Variants in SGMS1 observed in about 807,000 individuals in gnomAD.
The protein encoded by SGMS1 is sphingomyelin synthase 1.
Under a neutral mutation model 46.2 loss-of-function variants are expected in SGMS1, and 13 were observed. The ratio of observed to expected loss-of-function variants is 0.28; its 90% CI spans 0.18 to 0.45. SGMS1 has a LOEUF of 0.45. Ranked by LOEUF, SGMS1 falls within the 20% of genes least tolerant of loss-of-function variation. The probability of loss-of-function intolerance (pLI) is 1.00; values close to 1 mark genes in which losing one functional copy is unlikely to be tolerated. For missense variants in SGMS1, 324 were observed against 519.9 expected (o/e 0.62, Z 3.66); for synonymous variants, 203 against 187.8 (o/e 1.08, Z -0.66).
At chr10:50,408,956 A>G (rs1218639746) in intron 6 of SGMS1, among the ~76,000 whole-genome samples, 4 of 152,216 alleles carry the variant, frequency 2.6e-5, no homozygotes, top group African/African-American at 7.2e-5. Flanking sequence ...AAACATGGAC[A>G]TATAACTTAC....
At chr10:50,384,221 A>AT (rs1267539910) in intron 6 of SGMS1, among the ~76,000 whole-genome samples, 4 of 152,002 alleles carry the variant, frequency 2.6e-5, no homozygotes, top group South Asian at 2.1e-4. Context: ...GACTATTAAG[A>AT]TTTTTTCTTC....
chr10:50,514,982 C>T (rs1837788950), intron 3 of SGMS1, among the ~76,000 whole-genome samples: 1 of 152,192 alleles, frequency 6.6e-6, no homozygotes, highest in Admixed American at 6.5e-5. Context: ...ACAGAAGATA[C>T]AACAAGCACT....
At chr10:50,366,662 A>G (rs1183736851) in intron 6 of SGMS1, among the ~76,000 whole-genome samples, 1 of 152,200 alleles carries the variant, frequency 6.6e-6, no homozygotes, top group Non-Finnish European at 1.5e-5. Context: ...GGACATGGAT[A>G]AAGCTGGAAA....
intron 6 of SGMS1, 131 bp from the exon 7 acceptor site, chr10:50,344,476 C>T (rs1327254676): frequency 5.5e-6 from 1 of 181,426 alleles, no homozygotes; most frequent in Non-Finnish European, 1.2e-5. Flanking sequence ...AACATGTATT[C>T]GTTTCAGGGA....
At chr10:50,415,906 T>G (rs1470317131) in intron 6 of SGMS1, among the ~76,000 whole-genome samples, 1 of 152,160 alleles carries the variant, frequency 6.6e-6, no homozygotes, top group Non-Finnish European at 1.5e-5. Flanking sequence ...AGAGAAAGCC[T>G]GAATAGCACT....
At chr10:50,386,851 T>C (rs1325204538) in intron 6 of SGMS1, among the ~76,000 whole-genome samples, 5 of 152,166 alleles carry the variant, frequency 3.3e-5, no homozygotes, top group African/African-American at 7.2e-5. Flanking sequence ...AGCTAACACG[T>C]ACTGAAAGCC....
chr10:50,521,448 A>T (rs1169227744), intron 2 of SGMS1, among the ~76,000 whole-genome samples: 4 of 152,192 alleles, frequency 2.6e-5, no homozygotes, highest in Non-Finnish European at 5.9e-5. Context: ...CAGCCTTAGT[A>T]AATTTAAAAG....
At chr10:50,573,594 C>T (rs1158536272) in intron 2 of SGMS1, among the ~76,000 whole-genome samples, 2 of 152,102 alleles carry the variant, frequency 1.3e-5, no homozygotes, top group African/African-American at 2.4e-5. Flanking sequence ...CTACCCAAAG[C>T]AATTTACAGT....
chr10:50,330,531 G>C (rs1269227351), intron 7 of SGMS1, among the ~76,000 whole-genome samples: 6 of 152,072 alleles, frequency 3.9e-5, no homozygotes, highest in Admixed American at 6.6e-5. Context: ...TACTATAGTG[G>C]AAAGTAAAAC....
At chr10:50,429,503 TA>T (rs1409316226) in intron 6 of SGMS1, among the ~76,000 whole-genome samples, 1 of 152,202 alleles carries the variant, frequency 6.6e-6, no homozygotes, top group Non-Finnish European at 1.5e-5. Flanking sequence ...GCCTCATAAT[TA>T]AGCAACTCAG....
intron 7 of SGMS1, chr10:50,335,655 G>A (rs1847704254): frequency 6.6e-6 from 1 of 152,200 alleles, no homozygotes; most frequent in Admixed American, 6.5e-5. Flanking sequence ...ATCAGATCAT[G>A]AGTAATTAGA....
chr10:50,467,107 T>G (rs1343984694), intron 3 of SGMS1, among the ~76,000 whole-genome samples, 175 bp from the exon 4 acceptor site: 1 of 151,792 alleles, frequency 6.6e-6, no homozygotes, highest in African/African-American at 2.4e-5. Context: ...GTATTCAGAG[T>G]ACACTTCTAT....
intron 3 of SGMS1, among the ~76,000 whole-genome samples, chr10:50,516,612 T>C (rs911509921): frequency 2.0e-5 from 3 of 152,178 alleles, no homozygotes; most frequent in Admixed American, 6.5e-5. Context: ...TGTAAGGATA[T>C]AGTATGTCAT....
intron 2 of SGMS1, among the ~76,000 whole-genome samples, chr10:50,546,445 C>T (rs1228547442): frequency 6.6e-6 from 1 of 152,124 alleles, no homozygotes; most frequent in Non-Finnish European, 1.5e-5. Context: ...TGACACTATT[C>T]ACAATAGCAA....
chr10:50,549,969 C>T (rs1838134685), intron 2 of SGMS1, among the ~76,000 whole-genome samples: 1 of 152,168 alleles, frequency 6.6e-6, no homozygotes, highest in Admixed American at 6.5e-5. Context: ...AAACCACCAT[C>T]TAAAAAAGAT....
At chr10:50,357,772 G>C (rs2133403911) in intron 6 of SGMS1, among the ~76,000 whole-genome samples, 1 of 152,244 alleles carries the variant, frequency 6.6e-6, no homozygotes, top group African/African-American at 2.4e-5. Flanking sequence ...TGAATGCCAT[G>C]AAATTAATAA....
intron 2 of SGMS1, among the ~76,000 whole-genome samples, chr10:50,575,780 T>G (rs2131866699): frequency 6.6e-6 from 1 of 152,200 alleles, no homozygotes; most frequent in East Asian, 1.9e-4. Context: ...TCAATAAGGC[T>G]AGGGAAAAAA....
intron 6 of SGMS1, among the ~76,000 whole-genome samples, chr10:50,375,103 G>T (rs973334104): frequency 6.6e-6 from 1 of 152,004 alleles, no homozygotes; most frequent in Admixed American, 6.6e-5. Context: ...AGGTTAGGGA[G>T]CCTGGGCAAC....
intron 2 of SGMS1, among the ~76,000 whole-genome samples, chr10:50,555,319 G>A (rs1838181325): frequency 6.6e-6 from 1 of 152,190 alleles, no homozygotes; most frequent in Non-Finnish European, 1.5e-5. Flanking sequence ...TCACTTACCA[G>A]TCATATTCTA....
Sources: gnomAD v4.1 joint callset for allele counts (sites outside exome capture counted in the v4.1 genomes callset) on GRCh38, gnomAD v4.1.1 for gene constraint, MANE v1.5 for transcripts, NCBI Gene and HGNC (gene_info 2026-07-23, HGNC 2026-07-21) for gene names.